The following MPRIP variants were observed in gnomAD, a reference collection of about 807,000 sequenced individuals.
The protein encoded by MPRIP is myosin phosphatase Rho interacting protein.
A neutral mutation model predicts 234.9 loss-of-function variants in MPRIP; 59 were observed. That is an observed-to-expected ratio of 0.25 (90% CI 0.20 to 0.31). The LOEUF (loss-of-function observed/expected upper bound fraction) is 0.31. Ranked by LOEUF, MPRIP falls within the 10% of genes least tolerant of loss-of-function variation. The pLI is 1.00. For missense variants in MPRIP, 2,436 were observed against 3,071.0 expected, an observed-to-expected ratio of 0.79 and a Z score of 4.89; for synonymous variants, 1,144 against 1,263.9, an observed-to-expected ratio of 0.91 and a Z score of 2.01.
intron 10 of MPRIP, among the ~76,000 whole-genome samples, chr17:17,146,774 C>T (rs1012139745): frequency 2.0e-5 from 3 of 152,256 alleles, no homozygotes; most frequent in Admixed American, 2.0e-4. Flanking sequence ...TATCCCAAGA[C>T]ATCCTCTTTA....
At chr17:17,134,233 T>C (rs1195980917) in intron 5 of MPRIP, among the ~76,000 whole-genome samples, 1 of 152,204 alleles carries the variant, frequency 6.6e-6, no homozygotes, top group Admixed American at 6.5e-5. Flanking sequence ...CTTCTGAAAC[T>C]GCTGCAGAGA....
rs371284822 is a variant in MPRIP at position 17,150,283 on chromosome 17, A to G, written c.1719+50A>G. On this transcript the variant is annotated intron_variant, in intron 12 of 23. Transcript: ENST00000651222. ...CCACAGGCTTGACAGGCAGGGATGC[A>G]TGTCAGAGTGCCTAATGTCTGGGCT... 15 of 1,359,074 alleles carry G rather than the reference A, an allele frequency of 1.1e-5. No individual in the cohort carries two copies. The African/African-American group carries it at 1.4e-4, about 13-fold the overall frequency. 84.2% of individuals were successfully genotyped at this position (1,359,074 alleles called of 1,614,324 possible). A position where few individuals can be genotyped will look rare whatever the true frequency, so the allele number is the denominator to read the frequency against.
At chr17:17,083,080 T>C (rs568474365) in intron 3 of MPRIP, among the ~76,000 whole-genome samples, 76 of 152,192 alleles carry the variant, frequency 5.0e-4, no homozygotes, top group Non-Finnish European at 9.1e-4. Context: ...GGTGTGGAGC[T>C]CTGCTCCATC....
At chr17:17,077,929 G>A in intron 2 of MPRIP, 82 bp from the exon 3 acceptor site, 3 of 1,392,072 alleles carry the variant, frequency 2.2e-6, no homozygotes, top group Non-Finnish European at 3.1e-6. Flanking sequence ...ATATGGACTT[G>A]TCAGACGTGG....
intron 13 of MPRIP, among the ~76,000 whole-genome samples, chr17:17,157,975 G>A (rs915689761): frequency 9.2e-5 from 14 of 152,174 alleles, no homozygotes; most frequent in East Asian, 1.9e-4. Context: ...TGGCAGGTAC[G>A]GTGGCTGTGC....
In MPRIP at chr17:17,143,542, G is replaced by A. The variant is rs371305951; in HGVS notation, c.1390-14G>A. 19 of 1,567,820 alleles carry A rather than the reference G, an allele frequency of 1.2e-5. No homozygotes were observed. The highest frequency in any genetic ancestry group is 3.5e-5 in the Admixed American group (2 of 56,954). On this transcript the variant is annotated splice_polypyrimidine_tract_variant and intron_variant, in intron 8 of 23. Coordinates refer to ENST00000651222, the MANE Select transcript of MPRIP (RefSeq NM_001364716.4). ...CCCTGGGCTGCACTGACCAGCGGCT[G>A]CTCTCTGCCACAGGACTTCACCAAT... is the stretch of plus-strand genomic sequence containing the variant.
At chr17:17,072,176 G>A (rs892790558) in intron 1 of MPRIP, among the ~76,000 whole-genome samples, 1 of 152,258 alleles carries the variant, frequency 6.6e-6, no homozygotes, top group Non-Finnish European at 1.5e-5. Context: ...CTGTGCGGGG[G>A]AGGATGCAGC....
chr17:17,168,538 G>A, intron 16 of MPRIP: 1 of 327,400 alleles, frequency 3.1e-6, no homozygotes, highest in Non-Finnish European at 5.9e-6. Context: ...ATTTTCCCCA[G>A]AACTGTCCTG....
intron 1 of MPRIP, among the ~76,000 whole-genome samples, chr17:17,050,035 A>T (rs2088483960): frequency 6.7e-6 from 1 of 149,294 alleles, no homozygotes; most frequent in South Asian, 2.1e-4. Flanking sequence ...AAAATACAAT[A>T]AATTAGTCGG....
chr17:17,145,824 C>G (rs1401620320), intron 9 of MPRIP, among the ~76,000 whole-genome samples: 2 of 152,198 alleles, frequency 1.3e-5, no homozygotes, highest in Admixed American at 1.3e-4. Flanking sequence ...CCTGCCAAGC[C>G]CAGCATCTCC....
At chr17:17,074,338 T>C (rs1162382387) in intron 1 of MPRIP, among the ~76,000 whole-genome samples, 1 of 152,224 alleles carries the variant, frequency 6.6e-6, no homozygotes, top group East Asian at 1.9e-4. Context: ...CCAGAGTGTC[T>C]GTCTAGATTC....
chr17:17,167,166 T>TATG lies in MPRIP; in HGVS notation c.5577_5579dup (p.Tyr1859_Glu1860insAsp). 1 of 1,303,942 alleles carries TATG rather than the reference T, an allele frequency of 7.7e-7. No individual in the cohort carries two copies. The highest frequency in any genetic ancestry group is 1.0e-6 in the Non-Finnish European group (1 of 988,908). The allele number at this position is 1,303,942 out of a possible 1,614,324, so 80.8% of individuals were successfully genotyped here. On this transcript the variant is annotated inframe_insertion, in exon 16 of 24. Transcript: ENST00000651222. This position sits in a 1 kb window ranked among gnomAD's most constrained non-coding sequence, Gnocchi z 5.9. The stretch of plus-strand genomic sequence containing the variant: ...TGCGTCCTGCAGAATCCGGCTAGAA[T>TATG]ATGAGAAGGAGCTCCAGCTCTGCAA...
chr17:17,191,867 C>T lies in MPRIP; in HGVS notation c.*6973C>T, dbSNP rs1482611184. Reference sequence around the variant, plus strand: ...GGATTTTAAAGGATTTTAGGATTTACCTTTAGTATTAACAACGTATCTACT... The same window carrying T: ...GGATTTTAAAGGATTTTAGGATTTATCTTTAGTATTAACAACGTATCTACT... On this transcript the variant is annotated 3_prime_UTR_variant, in exon 24 of 24. Transcript: ENST00000651222. 6.6e-6 allele frequency: 1 copy of T among 152,174 alleles called. No individual in the cohort carries two copies. The highest frequency in any genetic ancestry group is 2.4e-5 in the African/African-American group (1 of 41,440). The allele number at this position is 152,174 out of a possible 1,614,324, so 9.4% of individuals were successfully genotyped here.
chr17:17,148,021 C>T (rs995281004), intron 11 of MPRIP, among the ~76,000 whole-genome samples: 9 of 152,158 alleles, frequency 5.9e-5, no homozygotes, highest in Non-Finnish European at 1.3e-4. Context: ...TGTGGAAAAA[C>T]GTCTGTTTCA....
intron 1 of MPRIP, among the ~76,000 whole-genome samples, chr17:17,073,241 G>A (rs1006752483): frequency 2.0e-5 from 3 of 152,074 alleles, no homozygotes; most frequent in Admixed American, 6.5e-5. Context: ...CTGTGTCTGC[G>A]CCGCCCGCCC....
intron 1 of MPRIP, among the ~76,000 whole-genome samples, chr17:17,051,810 G>T (rs1321456413): frequency 6.6e-6 from 1 of 152,168 alleles, no homozygotes; most frequent in Admixed American, 6.5e-5. Flanking sequence ...TCTCAGTCAG[G>T]GTCATCCTAG....
Position 17,184,973 on chromosome 17 carries a change from T to A in MPRIP, c.*79T>A. The A allele has an allele frequency of 1.1e-6, 1 of 897,996 alleles. No individual in the cohort carries two copies. The highest frequency in any genetic ancestry group is 1.8e-6 in the Non-Finnish European group (1 of 541,426). 55.6% of individuals were successfully genotyped at this position (897,996 alleles called of 1,614,324 possible). A position where few individuals can be genotyped will look rare whatever the true frequency, so the allele number is the denominator to read the frequency against. On this transcript the variant is annotated 3_prime_UTR_variant, in exon 24 of 24. Transcript: ENST00000651222. Reference sequence around the variant, plus strand: ...CCAAGCGCTGCTTTTCACCTGTACCTTTGTTTTATTATTATTATTATTATT... The same window carrying A: ...CCAAGCGCTGCTTTTCACCTGTACCATTGTTTTATTATTATTATTATTATT...
chr17:17,140,132 G>C (rs60417754), intron 7 of MPRIP, among the ~76,000 whole-genome samples: 2 of 152,194 alleles, frequency 1.3e-5, no homozygotes, highest in Non-Finnish European at 2.9e-5. Flanking sequence ...GCCAGTGGGT[G>C]GGCAGGGGAG....
chr17:17,062,738 G>T (rs1362434178), intron 1 of MPRIP, among the ~76,000 whole-genome samples: 1 of 152,266 alleles, frequency 6.6e-6, no homozygotes. Flanking sequence ...TTAGGGAGTA[G>T]ATGTATAGTC....
Sources: allele counts gnomAD v4.1 joint callset (sites outside exome capture counted in the v4.1 genomes callset), GRCh38; gene constraint gnomAD v4.1.1; non-coding constraint Gnocchi (gnomAD v3.1); transcripts MANE v1.5; gene names NCBI Gene and HGNC (gene_info 2026-07-23, HGNC 2026-07-21).